Variants in TBC1D30 observed in about 807,000 individuals in gnomAD.
TBC1D30 encodes the protein TBC1 domain family member 30, also known as TBC1 domain family, member 30.
Under a neutral mutation model 63.2 loss-of-function variants are expected in TBC1D30, and 31 were observed. That is an observed-to-expected ratio of 0.49 (90% CI 0.37 to 0.66). TBC1D30 has a LOEUF of 0.66. Ranked by LOEUF, TBC1D30 falls within the 30% of genes least tolerant of loss-of-function variation. The probability of loss-of-function intolerance (pLI) is 0.00; values close to 1 mark genes in which losing one functional copy is unlikely to be tolerated. For missense variants in TBC1D30, 810 were observed against 953.6 expected (o/e 0.85, Z 1.98); for synonymous variants, 307 against 361.5 (o/e 0.85, Z 1.71).
At chr12:64,821,273 A>G (rs958902187), upstream of TBC1D30, among the ~76,000 whole-genome samples, 1 of 152,328 alleles carries the variant, frequency 6.6e-6, no homozygotes, top group South Asian at 2.1e-4. Context: ...TATATGGGAA[A>G]TCAAATGACA....
At chr12:64,821,776 C>G (rs1325357615), upstream of TBC1D30, among the ~76,000 whole-genome samples, 2 of 152,174 alleles carry the variant, frequency 1.3e-5, no homozygotes, top group Non-Finnish European at 2.9e-5. Context: ...TGTACCAAAA[C>G]TGTAAAAAGT....
At chr12:64,839,221 A>G (rs796954821) in intron 7 of TBC1D30, among the ~76,000 whole-genome samples, 4 of 152,364 alleles carry the variant, frequency 2.6e-5, no homozygotes, top group African/African-American at 9.6e-5. Flanking sequence ...AATTTGAATT[A>G]TTGATGAATC....
rs1405775627 is a variant in TBC1D30, at chr12:64,879,833, CT to C, written c.*4047del. On this transcript the variant is annotated 3_prime_UTR_variant, in exon 12 of 12. Coordinates refer to ENST00000539867, the MANE Select transcript of TBC1D30 (RefSeq NM_015279.2). ...TGTATCTTTTGAGAAGGGAATAGTA[CT>C]TGAGACTTGGTATCCTGAACTCAAA... The C allele has an allele frequency of 2.0e-5, 3 of 150,864 alleles. No homozygotes were observed. The highest frequency in any genetic ancestry group is 7.5e-5 in the African/African-American group (3 of 40,170). The allele number at this position is 150,864 out of a possible 1,614,324, so 9.3% of individuals were successfully genotyped here.
At chr12:64,792,440 C>A (rs1047234415) in intron 2 of TBC1D30, among the ~76,000 whole-genome samples, 2 of 152,186 alleles carry the variant, frequency 1.3e-5, no homozygotes, top group South Asian at 4.1e-4. Flanking sequence ...TTAGATAAAA[C>A]CTTTCAGAAG....
intron 1 of TBC1D30, among the ~76,000 whole-genome samples, chr12:64,826,527 A>G (rs1046099771): frequency 3.3e-5 from 5 of 152,098 alleles, no homozygotes; most frequent in African/African-American, 1.2e-4. Flanking sequence ...CCGGACAGCA[A>G]CCTCACTTGT....
chr12:64,777,839 A>C (rs1052376019), upstream of TBC1D30, among the ~76,000 whole-genome samples: 1 of 152,256 alleles, frequency 6.6e-6, no homozygotes, highest in Non-Finnish European at 1.5e-5. Flanking sequence ...AGCTCCCTGC[A>C]ACCTCTGCCT....
chr12:64,830,446 A>G lies in TBC1D30; in HGVS notation c.352A>G (p.Thr118Ala), dbSNP rs1396301388. The change falls in exon 4 of 12, where the codon ACT becomes GCT. Residue 118 changes from threonine to alanine, a missense_variant. Transcript: ENST00000539867. The part of the protein sequence containing the change: ...AIDWDKTMRF[T>A]FNERSNPDDD... ...TGACTGGGACAAAACCATGCGCTTC[A>G]CTTTCAATGAAAGGAGTAATCCTGA... 54 of 1,535,592 alleles carry G rather than the reference A, an allele frequency of 3.5e-5. No homozygotes were observed. The highest frequency in any genetic ancestry group is 4.7e-5 in the Non-Finnish European group (54 of 1,146,636).
chr12:64,836,752 C>T (rs1565667984), intron 6 of TBC1D30, 94 bp downstream of exon 6: 4 of 1,229,988 alleles, frequency 3.3e-6, no homozygotes, highest in East Asian at 5.1e-5. Flanking sequence ...ATATGTATTT[C>T]CAGCTATTTT....
In TBC1D30 at chr12:64,838,747, A is replaced by G. The variant is rs912900771; in HGVS notation, c.828A>G (p.Thr276=). 70 of 1,536,438 alleles carry G rather than the reference A, an allele frequency of 4.6e-5. No homozygotes were observed. The highest frequency in any genetic ancestry group is 5.8e-5 in the Non-Finnish European group (67 of 1,147,018). ...AGTGGTTTCTGACTCTCTTTGCCAC[A>G]TGCCTCCCTAATCAGACCGTTTTAA... ...TMQWFLTLFA[T]CLPNQTVLKI... is the part of the protein sequence containing the mutation. The change falls in exon 7 of 12, where the codon ACA becomes ACG. Residue 276 remains threonine, a synonymous_variant. Transcript: ENST00000539867.
At position 64,767,210 on chromosome 12, in the gene TBC1D30, G is replaced by A. The variant is rs571771042; in HGVS notation, c.-376+7561G>A. On this transcript the variant is annotated intron_variant, in intron 1 of 13. Transcript: ENST00000674237. ...AAATTAGAGCAGAAATTAATGAAAC[G>A]AGGATAGAAAAAAATAGAGAAAAAT... Among the ~76,000 whole-genome samples, 4 of 151,808 alleles carry A rather than the reference G, an allele frequency of 2.6e-5. No individual in the cohort carries two copies. In the East Asian group the frequency reaches 5.8e-4, roughly 22 times the overall value.
upstream of TBC1D30, chr12:64,824,559 A>G: frequency 3.9e-6 from 1 of 259,310 alleles, no homozygotes; most frequent in Non-Finnish European, 7.3e-6. Context: ...CGGTGCCGGG[A>G]TTGGGGGCGG....
At chr12:64,824,322 C>G (rs1874090966), upstream of TBC1D30, among the ~76,000 whole-genome samples, 1 of 152,152 alleles carries the variant, frequency 6.6e-6, no homozygotes, top group Non-Finnish European at 1.5e-5. Context: ...GGGTCATGGC[C>G]CCTTCTGAGA....
chr12:64,860,898 A>T, intron 8 of TBC1D30, among the ~76,000 whole-genome samples: 1 of 152,234 alleles, frequency 6.6e-6, no homozygotes, highest in Admixed American at 6.5e-5. Context: ...CCACCTATTC[A>T]AAAGATGTCT....
chr12:64,866,147 G>T (rs1209786895), intron 9 of TBC1D30, among the ~76,000 whole-genome samples: 1 of 152,146 alleles, frequency 6.6e-6, no homozygotes, highest in African/African-American at 2.4e-5. Flanking sequence ...GATTACAGGT[G>T]TGAGCCACTG....
intron 1 of TBC1D30, among the ~76,000 whole-genome samples, chr12:64,785,702 T>C (rs145695555): frequency 2.6e-5 from 4 of 152,342 alleles, no homozygotes; most frequent in African/African-American, 9.6e-5. Context: ...ACAGGGCAGA[T>C]AAATGAGTGA....
chr12:64,777,470 A>G (rs146404770), upstream of TBC1D30, among the ~76,000 whole-genome samples: 16 of 152,334 alleles, frequency 1.1e-4, no homozygotes, highest in East Asian at 3.1e-3. Context: ...AACAACAGTC[A>G]TGCCAAGGGC....
intron 8 of TBC1D30, 66 bp downstream of exon 8, chr12:64,843,551 A>G: frequency 8.4e-7 from 1 of 1,194,946 alleles, no homozygotes; most frequent in Non-Finnish European, 1.2e-6. Flanking sequence ...AACCAGTGCC[A>G]GAGCAGCGGT....
At chr12:64,866,711 A>G in intron 9 of TBC1D30, 53 bp from the exon 10 acceptor site, 2 of 1,503,912 alleles carry the variant, frequency 1.3e-6, no homozygotes, top group Non-Finnish European at 1.8e-6. Flanking sequence ...TTATGTTTTA[A>G]AATACCATGG....
intron 8 of TBC1D30, among the ~76,000 whole-genome samples, chr12:64,853,365 G>T: frequency 6.6e-6 from 1 of 152,202 alleles, no homozygotes; most frequent in Non-Finnish European, 1.5e-5. Flanking sequence ...GTCCCAGGTT[G>T]ACTTCAGACT....
Sources: allele counts gnomAD v4.1 joint callset (sites outside exome capture counted in the v4.1 genomes callset), GRCh38; gene constraint gnomAD v4.1.1; transcripts MANE v1.5; gene names NCBI Gene and HGNC (gene_info 2026-07-23, HGNC 2026-07-21).